The following GPC5 variants were observed in gnomAD, a reference collection of about 807,000 sequenced individuals.
GPC5 encodes glypican-5.
GPC5 carries 47 observed loss-of-function variants against 53.9 expected under a neutral mutation model. The observed-to-expected ratio is 0.87, with a 90% confidence interval of 0.69 to 1.11. The LOEUF (loss-of-function observed/expected upper bound fraction) is 1.11, where lower values mean the gene tolerates loss of function less well. Among genes scored for constraint, GPC5 ranks in the 50% most tolerant of loss-of-function variants. The pLI is 0.00. For synonymous variants in GPC5, 286 were observed against 263.3 expected (o/e 1.09, Z -0.84); for missense variants, 748 against 713.1 (o/e 1.05, Z -0.56).
intron 7 of GPC5, among the ~76,000 whole-genome samples, chr13:92,821,283 A>G (rs1384803856): frequency 1.3e-5 from 2 of 152,228 alleles, no homozygotes; most frequent in African/African-American, 4.8e-5. Flanking sequence ...CTAGGACTTC[A>G]GGCAAATATT....
At chr13:91,399,328 G>A in intron 1 of GPC5, 119 bp downstream of exon 1, 1 of 1,272,938 alleles carries the variant, frequency 7.9e-7, no homozygotes, top group Non-Finnish European at 1.1e-6. Context: ...GCCGCGCAGG[G>A]TGAATCCCGG....
chr13:92,595,544 G>A (rs1166274280), intron 7 of GPC5, among the ~76,000 whole-genome samples: 2 of 151,826 alleles, frequency 1.3e-5, no homozygotes, highest in African/African-American at 2.4e-5. Context: ...CGAGGCAGGC[G>A]GATCACGAGG....
At chr13:91,852,856 G>A (rs2038929686) in intron 5 of GPC5, among the ~76,000 whole-genome samples, 1 of 152,072 alleles carries the variant, frequency 6.6e-6, no homozygotes. Context: ...ACTTTAATGA[G>A]ATATTGCAGA....
At chr13:91,629,031 A>G (rs150419481) in intron 2 of GPC5, among the ~76,000 whole-genome samples, 2 of 152,314 alleles carry the variant, frequency 1.3e-5, no homozygotes, top group East Asian at 1.9e-4. Context: ...GCAATTACAG[A>G]TAATAGATAC....
intron 7 of GPC5, among the ~76,000 whole-genome samples, chr13:92,347,565 C>A (rs1171398828): frequency 6.6e-6 from 1 of 151,530 alleles, no homozygotes. Context: ...AAACAAAAAG[C>A]TACAAATTAA....
chr13:92,591,777 C>A (rs768676095), intron 7 of GPC5, among the ~76,000 whole-genome samples: 119 of 152,246 alleles, frequency 7.8e-4, no homozygotes, highest in Non-Finnish European at 7.9e-4. Flanking sequence ...CCATTGGTAA[C>A]CGCCATTCTA....
intron 7 of GPC5, among the ~76,000 whole-genome samples, chr13:92,641,412 G>A (rs1885590774): frequency 1.3e-5 from 2 of 152,116 alleles, no homozygotes; most frequent in South Asian, 4.1e-4. Flanking sequence ...CCATGATAAA[G>A]AAAGGCAGAG....
chr13:92,489,749 A>T (rs1879688759), intron 7 of GPC5, among the ~76,000 whole-genome samples: 1 of 152,122 alleles, frequency 6.6e-6, no homozygotes, highest in South Asian at 2.1e-4. Context: ...GTCTAGACAC[A>T]CAAAATATCT....
intron 7 of GPC5, among the ~76,000 whole-genome samples, chr13:92,437,119 C>T (rs967207434): frequency 6.6e-6 from 1 of 152,060 alleles, no homozygotes; most frequent in South Asian, 2.1e-4. Context: ...TCCAACATTG[C>T]TCTGACATAG....
chr13:91,410,533 A>G (rs1260263024), intron 1 of GPC5, among the ~76,000 whole-genome samples: 3 of 151,396 alleles, frequency 2.0e-5, no homozygotes, highest in Non-Finnish European at 4.4e-5. Flanking sequence ...TTTTTAGTAG[A>G]GACGGGGTTT....
chr13:91,774,887 T>G (rs1291614715), intron 5 of GPC5, among the ~76,000 whole-genome samples: 1 of 152,140 alleles, frequency 6.6e-6, no homozygotes, highest in Non-Finnish European at 1.5e-5. Flanking sequence ...CCTCCCTCAC[T>G]CCTCTTTACT....
At chr13:91,529,012 A>C (rs1886214915) in intron 2 of GPC5, among the ~76,000 whole-genome samples, 1 of 152,192 alleles carries the variant, frequency 6.6e-6, no homozygotes, top group South Asian at 2.1e-4. Flanking sequence ...CAGTGGGGAC[A>C]CAAAGCCAAA....
At chr13:91,734,322 G>C (rs2036767835) in intron 4 of GPC5, among the ~76,000 whole-genome samples, 1 of 151,292 alleles carries the variant, frequency 6.6e-6, no homozygotes, top group Non-Finnish European at 1.5e-5. Flanking sequence ...CGTGAGTTGG[G>C]GACTCTTTAT....
At chr13:92,531,362 T>C (rs1209819119) in intron 7 of GPC5, among the ~76,000 whole-genome samples, 1 of 151,916 alleles carries the variant, frequency 6.6e-6, no homozygotes, top group Non-Finnish European at 1.5e-5. Context: ...TTTTACTGGA[T>C]TGCTACAATG....
intron 7 of GPC5, among the ~76,000 whole-genome samples, chr13:92,330,125 C>A (rs1013302047): frequency 6.6e-5 from 10 of 152,078 alleles, no homozygotes; most frequent in African/African-American, 2.4e-4. Context: ...ACATCAATCA[C>A]CATTTGGAGA....
In GPC5 at chr13:92,325,744, T is replaced by C. The variant is rs1385790973; in HGVS notation, c.1561+180755T>C. On this transcript the variant is annotated intron_variant, in intron 7 of 7. Transcript: ENST00000377067. ...AGCTAATTATGCTGAGTGAAAGGAG[T>C]TGGCCAAAAATCTTTATGATTTCAT... is the stretch of plus-strand genomic sequence containing the variant. Among the ~76,000 whole-genome samples, 3 of 151,182 alleles carry C rather than the reference T, an allele frequency of 2.0e-5. No homozygotes were observed. In the East Asian group the frequency reaches 5.8e-4, roughly 29 times the overall value.
intron 7 of GPC5, among the ~76,000 whole-genome samples, chr13:92,525,437 A>AGTGT (rs34946580): frequency 0.1 from 13,663 of 136,490 alleles, 753 homozygotes; most frequent in African/African-American, 0.11. Context: ...GATAGATTCA[A>AGTGT]GTGTGTGTGT....
chr13:91,962,415 CAT>C (rs1822711929), intron 6 of GPC5, among the ~76,000 whole-genome samples: 1 of 152,066 alleles, frequency 6.6e-6, no homozygotes, highest in Non-Finnish European at 1.5e-5. Context: ...ATAGTCACAA[CAT>C]AGAAATTAAT....
chr13:92,036,550 A>G (rs1291348189), intron 6 of GPC5, among the ~76,000 whole-genome samples: 3 of 152,344 alleles, frequency 2.0e-5, no homozygotes, highest in South Asian at 2.1e-4. Context: ...GAAAATTAAC[A>G]TAAGCTTTAG....
Sources: gnomAD v4.1 joint callset for allele counts (sites outside exome capture counted in the v4.1 genomes callset) on GRCh38, gnomAD v4.1.1 for gene constraint, MANE v1.5 for transcripts, NCBI Gene and HGNC (gene_info 2026-07-23, HGNC 2026-07-21) for gene names.